MATCAP2: variants seen among roughly 807,000 people sequenced by gnomAD.
The protein encoded by MATCAP2 is microtubule associated tyrosine carboxypeptidase 2.
chr7:36,380,255 C>T, the MATCAP2 span, among the ~76,000 whole-genome samples: 2 of 152,130 alleles, frequency 1.3e-5, no homozygotes, highest in Admixed American at 6.5e-5. Context: ...TGAGTGCTTT[C>T]CTTGGCACTG....
the MATCAP2 span, among the ~76,000 whole-genome samples, chr7:36,346,854 G>T: frequency 6.6e-6 from 1 of 152,086 alleles, no homozygotes; most frequent in African/African-American, 2.4e-5. Flanking sequence ...TCCGCCTCCC[G>T]GGTTCAAGCG....
the MATCAP2 span, among the ~76,000 whole-genome samples, chr7:36,365,710 C>G: frequency 6.6e-6 from 1 of 152,188 alleles, no homozygotes; most frequent in South Asian, 2.1e-4. Context: ...AAAACAACAA[C>G]AACAACAAAG....
chr7:36,382,930 A>G, the MATCAP2 span, among the ~76,000 whole-genome samples: 1 of 151,854 alleles, frequency 6.6e-6, no homozygotes, highest in Non-Finnish European at 1.5e-5. Context: ...TTATCTTAAT[A>G]TCCTTATTAA....
At chr7:36,358,194 T>A in the MATCAP2 span, among the ~76,000 whole-genome samples, 10 of 149,498 alleles carry the variant, frequency 6.7e-5, no homozygotes, top group Non-Finnish European at 1.3e-4. Flanking sequence ...TGAGACCCTA[T>A]CTTAAAAAAA....
chr7:36,335,687 A>T, the MATCAP2 span, among the ~76,000 whole-genome samples: 1 of 152,260 alleles, frequency 6.6e-6, no homozygotes, highest in African/African-American at 2.4e-5. Flanking sequence ...AAAACAATTC[A>T]ATGCAACAGG....
At chr7:36,376,403 C>G in the MATCAP2 span, among the ~76,000 whole-genome samples, 147,591 of 152,304 alleles carry the variant, frequency 0.97, 71,689 homozygotes, top group East Asian at 1. Context: ...CTGTGGTTTT[C>G]AGTGAGTTTC....
the MATCAP2 span, among the ~76,000 whole-genome samples, chr7:36,374,658 A>G: frequency 6.6e-6 from 1 of 152,132 alleles, no homozygotes; most frequent in Non-Finnish European, 1.5e-5. Flanking sequence ...CATTTACATT[A>G]GGTATTTCTC....
At chr7:36,334,742 T>C in the MATCAP2 span, among the ~76,000 whole-genome samples, 1 of 152,066 alleles carries the variant, frequency 6.6e-6, no homozygotes, top group East Asian at 1.9e-4. Context: ...ACAGACTTAA[T>C]ATTTGAAAAG....
chr7:36,357,353 T>A, the MATCAP2 span: 1 of 1,614,072 alleles, frequency 6.2e-7, no homozygotes, highest in Non-Finnish European at 8.5e-7. Context: ...GTTAGGAGAT[T>A]TGCTGGGTTT....
chr7:36,331,191 T>C, the MATCAP2 span: 1 of 586,196 alleles, frequency 1.7e-6, no homozygotes, highest in Non-Finnish European at 3.1e-6. Flanking sequence ...ATATTCTAGT[T>C]TGCCAACATT....
the MATCAP2 span, among the ~76,000 whole-genome samples, chr7:36,381,067 G>C: frequency 6.6e-6 from 1 of 152,150 alleles, no homozygotes; most frequent in Non-Finnish European, 1.5e-5. Flanking sequence ...GTTAACACCT[G>C]GGTATAGCTA....
the MATCAP2 span, among the ~76,000 whole-genome samples, chr7:36,385,670 C>T: frequency 6.6e-6 from 1 of 152,030 alleles, no homozygotes; most frequent in East Asian, 1.9e-4. Flanking sequence ...CCTGTTGTCC[C>T]AGATACTTGG....
chr7:36,382,299 CAAAAAAAA>C, the MATCAP2 span, among the ~76,000 whole-genome samples: 8 of 62,934 alleles, frequency 1.3e-4, no homozygotes, highest in South Asian at 1.0e-3. Flanking sequence ...GCGTCTGTCT[CAAAAAAAA>C]AAAAAAAAAA....
At chr7:36,342,769 C>G in the MATCAP2 span, among the ~76,000 whole-genome samples, 1 of 152,166 alleles carries the variant, frequency 6.6e-6, no homozygotes, top group South Asian at 2.1e-4. Flanking sequence ...AGACTGCAGG[C>G]GCATGCTGCC....
At chr7:36,370,952 G>A in the MATCAP2 span, among the ~76,000 whole-genome samples, 4 of 152,064 alleles carry the variant, frequency 2.6e-5, no homozygotes, top group South Asian at 2.1e-4. Context: ...TAGAAGCATT[G>A]TATTGTGGAA....
At chr7:36,374,537 T>C in the MATCAP2 span, among the ~76,000 whole-genome samples, 1 of 152,140 alleles carries the variant, frequency 6.6e-6, no homozygotes, top group African/African-American at 2.4e-5. Context: ...TTTTCTTTAA[T>C]TATTATTTTT....
At chr7:36,366,306 A>G in the MATCAP2 span, among the ~76,000 whole-genome samples, 6 of 152,176 alleles carry the variant, frequency 3.9e-5, no homozygotes, top group African/African-American at 1.4e-4. Flanking sequence ...AAATAATAAG[A>G]GTCAAGTTCT....
the MATCAP2 span, among the ~76,000 whole-genome samples, chr7:36,379,543 T>A: frequency 3.3e-5 from 5 of 152,088 alleles, no homozygotes; most frequent in Non-Finnish European, 2.9e-5. Context: ...TAAGAGTAGC[T>A]TGTAGACATG....
chr7:36,344,744 T>C, the MATCAP2 span, among the ~76,000 whole-genome samples: 17 of 152,316 alleles, frequency 1.1e-4, no homozygotes, highest in Non-Finnish European at 1.0e-4. Flanking sequence ...GATTTTTAGG[T>C]AGGGATGATT....
Sources: gnomAD v4.1 joint callset for allele counts (sites outside exome capture counted in the v4.1 genomes callset) on GRCh38, gnomAD v4.1.1 for gene constraint, MANE v1.5 for transcripts, NCBI Gene and HGNC (gene_info 2026-07-23, HGNC 2026-07-21) for gene names.